The following GBF1 variants were observed in gnomAD, a reference collection of about 807,000 sequenced individuals.
GBF1 encodes golgi brefeldin A resistant guanine nucleotide exchange factor 1.
A neutral mutation model predicts 210.5 loss-of-function variants in GBF1; 114 were observed. The ratio of observed to expected loss-of-function variants is 0.54; its 90% CI spans 0.47 to 0.63. The LOEUF is 0.63. Ranked by LOEUF, GBF1 falls within the 30% of genes least tolerant of loss-of-function variation. The pLI, the probability that GBF1 is intolerant of heterozygous loss-of-function variation, is 0.00. For synonymous variants in GBF1, 850 were observed against 889.2 expected (o/e 0.96, Z 0.78); for missense variants, 1,851 against 2,357.7 (o/e 0.79, Z 4.45).
At chr10:102,368,670 C>A in intron 22 of GBF1, 69 bp from the exon 23 acceptor site, 3 of 1,109,030 alleles carry the variant, frequency 2.7e-6, no homozygotes, top group Non-Finnish European at 4.1e-6. Context: ...CCCATGCAAG[C>A]TCAGGGACTT....
Position 102,365,649 on chromosome 10 carries a change from G to C in GBF1, c.2309+50G>C. 3.4e-6 allele frequency: 5 copies of C among 1,481,496 alleles called. No homozygotes were observed. In the South Asian group the frequency reaches 5.7e-5, roughly 17 times the overall value. The allele number at this position is 1,481,496 out of a possible 1,614,324, so 91.8% of individuals were successfully genotyped here. A position where few individuals can be genotyped will look rare whatever the true frequency, so the allele number is the denominator to read the frequency against. On this transcript the variant is annotated intron_variant, in intron 18 of 39. Transcript: ENST00000369983. ...GATATAGCCAGGTATGGTGGCTCAT[G>C]CCTGTAATCCTGACACTTTGGGAGG...
Position 102,369,251 on chromosome 10 carries a change from A to C in GBF1, c.3014A>C (p.Lys1005Thr). 1.9e-6 allele frequency: 3 copies of C among 1,613,786 alleles called. No homozygotes were observed. The highest frequency in any genetic ancestry group is 2.5e-6 in the Non-Finnish European group (3 of 1,179,700). ...CCCAGTGTATTTGGAAGCAACCCTAAAGCCCATATTGCAGCCAAGACAGTA... is the reference window on the plus strand; with the variant it reads ...CCCAGTGTATTTGGAAGCAACCCTACAGCCCATATTGCAGCCAAGACAGTA... ...NLPSVFGSNP[K>T]AHIAAKTVFH... Residue 1005 changes from lysine (K) to threonine (T), a missense_variant, in exon 24 of 40, where the codon AAA becomes ACA. Lys to Thr is a moderately conservative substitution (Grantham distance 78). Transcript: ENST00000369983.
intron 3 of GBF1, among the ~76,000 whole-genome samples, chr10:102,273,082 C>A (rs1206942123): frequency 6.6e-6 from 1 of 152,108 alleles, no homozygotes; most frequent in Admixed American, 6.6e-5. Context: ...GTAGCTCATG[C>A]CTGTAATCCC....
At chr10:102,301,710 G>A (rs527419559) in intron 3 of GBF1, among the ~76,000 whole-genome samples, 169 of 152,014 alleles carry the variant, frequency 1.1e-3, no homozygotes, top group Non-Finnish European at 1.7e-3. Context: ...GACGATGGGC[G>A]GCTGGGCAGA....
chr10:102,289,076 C>G (rs1328252120), intron 3 of GBF1, among the ~76,000 whole-genome samples: 1 of 147,946 alleles, frequency 6.8e-6, no homozygotes, highest in African/African-American at 2.5e-5. Flanking sequence ...GCACTCCAGT[C>G]TGGGTGACAG....
chr10:102,363,684 T>G lies in GBF1; in HGVS notation c.2018-26T>G. The stretch of plus-strand genomic sequence containing the variant: ...GGGTAAAAAAAGGTGTTACAGATAT[T>G]TCCCCCCTCTTCTTCCTACTCCTAG... On this transcript the variant is annotated intron_variant, in intron 16 of 39. Coordinates refer to ENST00000369983, the MANE Select transcript of GBF1 (RefSeq NM_001377137.1). This position sits in a 1 kb window ranked among gnomAD's most constrained non-coding sequence, Gnocchi z 4.2. 6.8e-7 allele frequency: 1 copy of G among 1,476,782 alleles called. No homozygotes were observed. The highest frequency in any genetic ancestry group is 2.3e-5 in the East Asian group (1 of 44,238). The allele number at this position is 1,476,782 out of a possible 1,614,324, so 91.5% of individuals were successfully genotyped here.
At position 102,363,241 on chromosome 10, in the gene GBF1, C is replaced by T; in HGVS notation, c.1877-15C>T. ...TACCCTATAAGTCTTCACGTATCTTCTTCTCTCTTACCAGCTGAGAGAACT... is the reference window on the plus strand; with the variant it reads ...TACCCTATAAGTCTTCACGTATCTTTTTCTCTCTTACCAGCTGAGAGAACT... On this transcript the variant is annotated splice_polypyrimidine_tract_variant and intron_variant, in intron 15 of 39. Transcript: ENST00000369983. The surrounding 1 kb of genome is among the most constrained non-coding windows in gnomAD (Gnocchi z 4.2). 6.2e-7 allele frequency: 1 copy of T among 1,605,938 alleles called. No homozygotes were observed. The highest frequency in any genetic ancestry group is 8.5e-7 in the Non-Finnish European group (1 of 1,175,788).
chr10:102,382,314 TA>T lies in GBF1; in HGVS notation c.5562del (p.Thr1856ProfsTer81), dbSNP rs1200992518. 3.1e-6 allele frequency: 5 copies of T among 1,611,614 alleles called. No homozygotes were observed. The highest frequency in any genetic ancestry group is 3.4e-6 in the Non-Finnish European group (4 of 1,178,758). On this transcript the variant is annotated frameshift_variant, in exon 40 of 40. Coordinates refer to ENST00000369983, the MANE Select transcript of GBF1 (RefSeq NM_001377137.1). LOFTEE classifies it high-confidence loss of function. ...GCCACACCCCGCCCCACAGATCCCA[TA>T]CCCACCTCTGAGGTCAACTAAGGCA... Reference protein sequence around the residue: ...LLATPRPTDPIPTSEVN With the variant: ...LLATPRPTDPXPTSEVN
intron 3 of GBF1, among the ~76,000 whole-genome samples, chr10:102,326,379 G>A (rs1431480986): frequency 1.3e-5 from 2 of 152,218 alleles, no homozygotes; most frequent in Non-Finnish European, 2.9e-5. Context: ...GGGGCACTGA[G>A]GTGGCAGTTC....
intron 3 of GBF1, among the ~76,000 whole-genome samples, chr10:102,276,375 AAT>A (rs1003176802): frequency 5.3e-5 from 8 of 150,832 alleles, no homozygotes; most frequent in African/African-American, 2.0e-4. Flanking sequence ...AAAAACAAAA[AAT>A]TAGCTGGGCA....
intron 17 of GBF1, 84 bp from the exon 18 acceptor site, chr10:102,365,313 T>C (rs1047872725): frequency 3.1e-6 from 3 of 970,400 alleles, no homozygotes; most frequent in Non-Finnish European, 4.9e-6. Flanking sequence ...TGACCAACTG[T>C]GGGTGGGCTA....
the GBF1 span, among the ~76,000 whole-genome samples, chr10:102,235,185 C>CCCCA: frequency 6.9e-6 from 1 of 145,036 alleles, no homozygotes; most frequent in African/African-American, 2.6e-5. Flanking sequence ...CCCCACCCCC[C>CCCCA]CACCGCCTCC....
intron 3 of GBF1, among the ~76,000 whole-genome samples, chr10:102,307,320 T>C (rs1043192298): frequency 5.3e-5 from 8 of 152,012 alleles, no homozygotes; most frequent in African/African-American, 1.9e-4. Flanking sequence ...TATTTAAAAA[T>C]TAGAATATGA....
In GBF1 at chr10:102,283,040, T is replaced by C. The variant is rs958195553; in HGVS notation, c.163+22924T>C. On this transcript the variant is annotated intron_variant, in intron 3 of 39. Transcript: ENST00000369983. ...AAGATTATCACAAGGAGGTGGAAAC[T>C]ATTGAGGTACAAACCATCAGATCTT... is the stretch of plus-strand genomic sequence containing the variant. Among the ~76,000 whole-genome samples the C allele has an allele frequency of 3.9e-5, 6 of 152,150 alleles. 1 individual carries two copies. The highest frequency in any genetic ancestry group is 3.3e-4 in the Admixed American group (5 of 15,270).
In GBF1 at chr10:102,335,939, CTT is replaced by C. The variant is rs2057697672; in HGVS notation, c.164-8111_164-8110del. Among the ~76,000 whole-genome samples the C allele has an allele frequency of 2.0e-5, 3 of 152,174 alleles. No individual in the cohort carries two copies. In the South Asian group the frequency reaches 6.2e-4, roughly 32 times the overall value. On this transcript the variant is annotated intron_variant, in intron 3 of 39. Transcript: ENST00000369983. ...CCGTTATCTCAGTATTTATCCTTAACTTGTGTTTGTTTTATGGTTTAGGAGTC... is the reference window on the plus strand; with the variant it reads ...CCGTTATCTCAGTATTTATCCTTAACGTGTTTGTTTTATGGTTTAGGAGTC...
At chr10:102,367,378 C>G (rs1380713381) in intron 20 of GBF1, 100 bp from the exon 21 acceptor site, 6 of 1,141,528 alleles carry the variant, frequency 5.3e-6, no homozygotes, top group Non-Finnish European at 8.0e-6. Flanking sequence ...GGTTTTTTCG[C>G]TTACCTTTTC....
intron 4 of GBF1, among the ~76,000 whole-genome samples, chr10:102,348,151 G>C (rs980805385): frequency 1.3e-5 from 2 of 152,062 alleles, no homozygotes; most frequent in African/African-American, 4.8e-5. Flanking sequence ...TGGCCAGGCT[G>C]GTCTCGAACT....
At chr10:102,258,150 ATTTTTTT>A (rs60505807) in intron 1 of GBF1, among the ~76,000 whole-genome samples, 3 of 96,932 alleles carry the variant, frequency 3.1e-5, no homozygotes, top group Non-Finnish European at 6.0e-5. Context: ...AGTATTACAG[ATTTTTTT>A]TTTTTTTTTT....
intron 3 of GBF1, 41 bp from the exon 4 acceptor site, chr10:102,344,010 T>C (rs1428360549): frequency 6.3e-7 from 1 of 1,588,168 alleles, no homozygotes; most frequent in South Asian, 1.1e-5. Context: ...TTTAGTTTTC[T>C]CTTAGATGAT....
Sources: allele counts gnomAD v4.1 joint callset (sites outside exome capture counted in the v4.1 genomes callset), GRCh38; gene constraint gnomAD v4.1.1; non-coding constraint Gnocchi (gnomAD v3.1); transcripts MANE v1.5; gene names NCBI Gene and HGNC (gene_info 2026-07-23, HGNC 2026-07-21).